Variants in BTAF1 observed in about 807,000 individuals in gnomAD.
The protein encoded by BTAF1 is B-TFIID TATA-box binding protein associated factor 1.
BTAF1 carries 38 observed loss-of-function variants against 227.1 expected under a neutral mutation model. That is an observed-to-expected ratio of 0.17 (90% confidence interval 0.13 to 0.22). The LOEUF (loss-of-function observed/expected upper bound fraction) is 0.22. BTAF1 is among the 10% of genes least tolerant of loss of function. BTAF1 has a pLI of 1.00. For missense variants in BTAF1, 1,598 were observed against 2,204.0 expected, an observed-to-expected ratio of 0.73 and a Z score of 5.51; for synonymous variants, 742 against 751.9, an observed-to-expected ratio of 0.99 and a Z score of 0.21.
At position 92,030,625 on chromosome 10, in the gene BTAF1, A is replaced by G. The variant is rs1346818434; in HGVS notation, c.*1692A>G. ...CCATAAAAGTTAGTACTTTTTCCCAATCTGAAATGTCAGATAGAGCTAGAA... is the reference window on the plus strand; with the variant it reads ...CCATAAAAGTTAGTACTTTTTCCCAGTCTGAAATGTCAGATAGAGCTAGAA... On this transcript the variant is annotated 3_prime_UTR_variant, in exon 38 of 38. Transcript: ENST00000265990. Among the ~76,000 whole-genome samples the G allele has an allele frequency of 4.7e-5, 7 of 150,438 alleles. No homozygotes were observed. The highest frequency in any genetic ancestry group is 6.7e-5 in the Admixed American group (1 of 14,984).
chr10:91,948,700 A>T lies in BTAF1; in HGVS notation c.401-2703A>T, dbSNP rs201279925. Among the ~76,000 whole-genome samples, 5 of 64,100 alleles carry T rather than the reference A, an allele frequency of 7.8e-5. No individual in the cohort carries two copies. In the East Asian group the frequency reaches 2.4e-3, roughly 31 times the overall value. The allele number at this position is 64,100 out of a possible 152,430, so 42.1% of individuals were successfully genotyped here. On this transcript the variant is annotated intron_variant, in intron 4 of 37. Coordinates refer to ENST00000265990, the MANE Select transcript of BTAF1 (RefSeq NM_003972.3). The stretch of plus-strand genomic sequence containing the variant: ...CCTGCCCCAGAACTTCTTTTTTATT[A>T]AAAAAAAAAAAAAAGTTATATTGGC...
At chr10:91,997,113 C>G (rs1051938271) in intron 24 of BTAF1, 2 of 1,285,814 alleles carry the variant, frequency 1.6e-6, no homozygotes, top group Non-Finnish European at 2.0e-6. Flanking sequence ...GGATGAAGAT[C>G]AAATCAGTAG....
intron 25 of BTAF1, among the ~76,000 whole-genome samples, chr10:92,003,456 A>G (rs1413052725): frequency 6.6e-6 from 1 of 152,154 alleles, no homozygotes. Flanking sequence ...CTCTGCTTCC[A>G]TGAGTTTGAC....
At chr10:92,008,359 T>C (rs1850073298) in intron 26 of BTAF1, 84 bp downstream of exon 26, 12 of 1,312,932 alleles carry the variant, frequency 9.1e-6, no homozygotes, top group Non-Finnish European at 1.2e-5. Flanking sequence ...TTGTTTCTTT[T>C]TTGAGACAGA....
intron 35 of BTAF1, 78 bp downstream of exon 35, chr10:92,025,045 C>A: frequency 7.7e-7 from 1 of 1,291,238 alleles, no homozygotes. Context: ...GAAATATTTT[C>A]ATTGGCTAAA....
chr10:91,980,695 A>G (rs1847999404), intron 15 of BTAF1, 137 bp downstream of exon 15: 3 of 657,120 alleles, frequency 4.6e-6, no homozygotes, highest in Non-Finnish European at 7.9e-6. Flanking sequence ...AATGAGACAG[A>G]GAACTAGGCT....
intron 4 of BTAF1, among the ~76,000 whole-genome samples, chr10:91,948,078 A>T (rs1845503945): frequency 6.6e-6 from 1 of 152,026 alleles, no homozygotes; most frequent in Non-Finnish European, 1.5e-5. Flanking sequence ...TCACATATGT[A>T]TACATGTGCC....
At position 91,940,173 on chromosome 10, in the gene BTAF1, A is replaced by G. The variant is rs1589758520; in HGVS notation, c.253+107A>G. On this transcript the variant is annotated intron_variant, in intron 3 of 37. Transcript: ENST00000265990. ...TTTCAATTTTAAAGTCTTAATTTCC[A>G]TGCTTTTAGGTACAGCTTTGTCAGG... 4 of 641,578 alleles carry G rather than the reference A, an allele frequency of 6.2e-6. No individual in the cohort carries two copies. In the Admixed American group the frequency reaches 8.6e-5, roughly 14 times the overall value. 39.7% of individuals were successfully genotyped at this position (641,578 alleles called of 1,614,324 possible). A position where few individuals can be genotyped will look rare whatever the true frequency, so the allele number is the denominator to read the frequency against.
chr10:91,983,441 A>T (rs868400746), intron 18 of BTAF1, among the ~76,000 whole-genome samples: 123 of 152,318 alleles, frequency 8.1e-4, no homozygotes, highest in African/African-American at 2.8e-3. Flanking sequence ...AGCTGTATCT[A>T]AAAGTAATTG....
chr10:92,024,732 G>GTTTTTTTTTTTTTTTTTTTTTTT, intron 34 of BTAF1, 24 bp from the exon 35 acceptor site: 3 of 1,267,282 alleles, frequency 2.4e-6, no homozygotes, highest in Non-Finnish European at 3.2e-6. Flanking sequence ...CGCTTATGTA[G>GTTTTTTTTTTTTTTTTTTTTTTT]TTTTTTTTTT....
At chr10:91,956,389 A>G in intron 6 of BTAF1, 139 bp from the exon 7 acceptor site, 1 of 1,092,498 alleles carries the variant, frequency 9.2e-7, no homozygotes, top group Non-Finnish European at 1.3e-6. Context: ...TCATATAAGC[A>G]GAATATGGTG....
intron 8 of BTAF1, among the ~76,000 whole-genome samples, chr10:91,957,852 G>C (rs973873518): frequency 8.5e-5 from 13 of 152,102 alleles, no homozygotes; most frequent in African/African-American, 3.1e-4. Context: ...ATAACTCATG[G>C]GGTGTTAAGA....
chr10:91,942,331 T>TGTGA, intron 3 of BTAF1, 91 bp from the exon 4 acceptor site: 6 of 924,952 alleles, frequency 6.5e-6, no homozygotes, highest in South Asian at 1.6e-5. Flanking sequence ...TGTGTGTGTG[T>TGTGA]AACCCATGCA....
chr10:91,991,304 C>T (rs1848739803), intron 20 of BTAF1, among the ~76,000 whole-genome samples: 2 of 79,344 alleles, frequency 2.5e-5, no homozygotes, highest in South Asian at 4.4e-4. Flanking sequence ...ATTATCCGGA[C>T]GTGGTGGCGT....
intron 23 of BTAF1, 130 bp from the exon 24 acceptor site, chr10:91,996,239 T>A: frequency 1.4e-6 from 1 of 716,424 alleles, no homozygotes; most frequent in South Asian, 1.9e-5. Context: ...GCAGTAATGT[T>A]TTGAAGTATT....
At chr10:91,967,381 G>C (rs1171296122) in intron 14 of BTAF1, among the ~76,000 whole-genome samples, 1 of 152,018 alleles carries the variant, frequency 6.6e-6, no homozygotes, top group African/African-American at 2.4e-5. Context: ...AACCTTATAG[G>C]TCAAACAAAG....
intron 32 of BTAF1, among the ~76,000 whole-genome samples, chr10:92,015,316 T>G (rs1390089404): frequency 1.3e-5 from 2 of 152,212 alleles, no homozygotes; most frequent in Non-Finnish European, 2.9e-5. Flanking sequence ...TTTGTATGTG[T>G]CAGTCTATCT....
At chr10:91,940,823 T>G (rs1299697129) in intron 3 of BTAF1, among the ~76,000 whole-genome samples, 1 of 152,120 alleles carries the variant, frequency 6.6e-6, no homozygotes, top group African/African-American at 2.4e-5. Context: ...TAGCTGCGAT[T>G]ACAGTTGTGC....
chr10:92,017,267 A>C (rs1850803216), intron 33 of BTAF1, among the ~76,000 whole-genome samples: 1 of 152,188 alleles, frequency 6.6e-6, no homozygotes. Flanking sequence ...GATCTGAAGG[A>C]GGATTAAGTC....
Sources: gnomAD v4.1 joint callset for allele counts (sites outside exome capture counted in the v4.1 genomes callset) on GRCh38, gnomAD v4.1.1 for gene constraint, MANE v1.5 for transcripts, NCBI Gene and HGNC (gene_info 2026-07-23, HGNC 2026-07-21) for gene names.